Variants in SAMMSON observed in about 807,000 individuals in gnomAD.
SAMMSON encodes long intergenic non-protein coding RNA 1212.
At chr3:70,126,563 A>G (rs1175247456) in intron 4 of SAMMSON, 6 of 530,224 alleles carry the variant, frequency 1.1e-5, no homozygotes, top group African/African-American at 9.6e-5. Context: ...AGTGGGGAGG[A>G]GCTTGTGCAT....
intron 4 of SAMMSON, among the ~76,000 whole-genome samples, chr3:70,200,499 A>G (rs1372347701): frequency 6.6e-6 from 1 of 152,078 alleles, no homozygotes; most frequent in Non-Finnish European, 1.5e-5. Flanking sequence ...TGCATTGCAC[A>G]CCCTCCTGCC....
chr3:70,211,081 T>G (rs1701340367), intron 4 of SAMMSON, among the ~76,000 whole-genome samples: 1 of 152,168 alleles, frequency 6.6e-6, no homozygotes, highest in Non-Finnish European at 1.5e-5. Context: ...TTCTCTCATT[T>G]GACTCTTCAT....
intron 4 of SAMMSON, among the ~76,000 whole-genome samples, chr3:70,096,462 T>C (rs1425448910): frequency 6.6e-6 from 1 of 152,148 alleles, no homozygotes; most frequent in African/African-American, 2.4e-5. Flanking sequence ...GAGGATTGCT[T>C]GAGCCCAGGA....
chr3:70,129,770 T>C (rs1422884325), intron 4 of SAMMSON, among the ~76,000 whole-genome samples: 4 of 150,616 alleles, frequency 2.7e-5, no homozygotes. Context: ...CCACATTCTC[T>C]TTTTAAAATA....
chr3:70,244,830 C>T (rs989818143), intron 4 of SAMMSON, among the ~76,000 whole-genome samples: 1 of 152,162 alleles, frequency 6.6e-6, no homozygotes, highest in Non-Finnish European at 1.5e-5. Flanking sequence ...CTCTCACATT[C>T]CTATGTGCTC....
intron 4 of SAMMSON, among the ~76,000 whole-genome samples, chr3:70,162,844 T>C (rs1167357140): frequency 6.6e-6 from 1 of 151,890 alleles, no homozygotes; most frequent in African/African-American, 2.4e-5. Flanking sequence ...TTTATAACTG[T>C]TATATATTTT....
chr3:70,119,704 T>G (rs1480897100), intron 4 of SAMMSON, among the ~76,000 whole-genome samples: 2 of 152,236 alleles, frequency 1.3e-5, no homozygotes, highest in African/African-American at 2.4e-5. Context: ...ATTAAAAGAT[T>G]CCTCATAGTG....
chr3:70,180,447 A>T lies in SAMMSON; in HGVS notation n.508-68660A>T, dbSNP rs534773721. On this transcript the variant is annotated intron_variant and non_coding_transcript_variant, in intron 4 of 9. Coordinates refer to ENST00000642114, the Ensembl canonical transcript of SAMMSON. ...ATATTACACGTATGTTGCATATATA[A>T]TATCTAGTATATATTTATATGGGTA... 1.5e-4 allele frequency among the ~76,000 whole-genome samples: 23 copies of T among 152,254 alleles called. 1 individual carries two copies. In the South Asian group the frequency reaches 4.6e-3, roughly 30 times the overall value.
intron 4 of SAMMSON, among the ~76,000 whole-genome samples, chr3:70,115,617 C>T (rs954203154): frequency 2.6e-5 from 4 of 152,054 alleles, no homozygotes; most frequent in African/African-American, 7.2e-5. Context: ...TTGTAATAAA[C>T]TCAAAGTACT....
At chr3:70,343,213 A>C (rs1282060376) in intron 7 of SAMMSON, among the ~76,000 whole-genome samples, 1 of 152,192 alleles carries the variant, frequency 6.6e-6, no homozygotes, top group Non-Finnish European at 1.5e-5. Context: ...ATCACAATTA[A>C]TGAACCAATA....
intron 2 of SAMMSON, among the ~76,000 whole-genome samples, chr3:70,415,439 G>C (rs938705359): frequency 1.3e-5 from 2 of 152,082 alleles, no homozygotes; most frequent in Admixed American, 6.6e-5. Context: ...ACTTAATGTC[G>C]GTGCCAACCT....
rs1246340343 is a variant in SAMMSON, at chr3:70,197,272, T to C, written n.508-51835T>C. The C allele has an allele frequency of 4.8e-5, 19 of 397,526 alleles. No individual in the cohort carries two copies. The Admixed American group carries it at 8.4e-4, about 18-fold the overall frequency. 24.6% of individuals were successfully genotyped at this position (397,526 alleles called of 1,614,324 possible). Reference sequence around the variant, plus strand: ...ATGTGTGCTGGGATACTTGATAACTTGATAGCCAACTCTTAATTATTTATC... The same window carrying C: ...ATGTGTGCTGGGATACTTGATAACTCGATAGCCAACTCTTAATTATTTATC... On this transcript the variant is annotated intron_variant and non_coding_transcript_variant, in intron 4 of 9. Coordinates refer to ENST00000642114, the Ensembl canonical transcript of SAMMSON.
In SAMMSON at chr3:70,372,708, G is replaced by A. The variant is rs148385292; in HGVS notation, n.913+14384G>A. Among the ~76,000 whole-genome samples the A allele has an allele frequency of 2.0e-5, 3 of 152,146 alleles. No individual in the cohort carries two copies. The East Asian group carries it at 5.8e-4, about 29-fold the overall frequency. On this transcript the variant is annotated intron_variant and non_coding_transcript_variant, in intron 9 of 9. Transcript: ENST00000642114. The stretch of plus-strand genomic sequence containing the variant: ...TCTCATCCTATATCTTTTCTTTCTA[G>A]TTCCTCATCAGGGTCTTGTAGAAAT...
intron 6 of SAMMSON, among the ~76,000 whole-genome samples, chr3:70,268,505 A>G (rs898346940): frequency 1.3e-5 from 2 of 149,154 alleles, no homozygotes; most frequent in African/African-American, 4.9e-5. Context: ...AATCCCCACC[A>G]GAATGGTGCA....
intron 7 of SAMMSON, among the ~76,000 whole-genome samples, chr3:70,328,605 A>G (rs1702598040): frequency 6.6e-6 from 1 of 152,176 alleles, no homozygotes; most frequent in African/African-American, 2.4e-5. Context: ...AAACCTTGCA[A>G]TAATTATCCA....
chr3:70,129,563 T>C (rs1364270246), intron 4 of SAMMSON, among the ~76,000 whole-genome samples: 4 of 152,206 alleles, frequency 2.6e-5, no homozygotes, highest in Non-Finnish European at 5.9e-5. Context: ...TTGAATCTTA[T>C]TCTTGATGAC....
chr3:70,330,494 T>C (rs949755987), intron 7 of SAMMSON, among the ~76,000 whole-genome samples: 7 of 152,044 alleles, frequency 4.6e-5, no homozygotes, highest in Non-Finnish European at 1.0e-4. Context: ...AGGTCTTTTA[T>C]AGGTAAGAGA....
chr3:70,212,994 A>G (rs991035338), intron 4 of SAMMSON, among the ~76,000 whole-genome samples: 3 of 152,000 alleles, frequency 2.0e-5, no homozygotes, highest in African/African-American at 7.2e-5. Context: ...TTTTGTGCAG[A>G]GACTCGGTTT....
At chr3:70,343,595 T>A (rs1027236670) in intron 7 of SAMMSON, among the ~76,000 whole-genome samples, 2 of 152,186 alleles carry the variant, frequency 1.3e-5, no homozygotes, top group African/African-American at 2.4e-5. Flanking sequence ...ATACTTGTAG[T>A]ATGGCTTTTT....
Sources: gnomAD v4.1 joint callset for allele counts (sites outside exome capture counted in the v4.1 genomes callset) on GRCh38, gnomAD v4.1.1 for gene constraint, MANE v1.5 for transcripts, NCBI Gene and HGNC (gene_info 2026-07-23, HGNC 2026-07-21) for gene names.